The following PCDH11Y variants were observed in gnomAD, a reference collection of about 807,000 sequenced individuals.
PCDH11Y encodes protocadherin 11 Y-linked.
For synonymous variants in PCDH11Y, 9 were observed against 83.6 expected, an observed-to-expected ratio of 0.11 and a Z score of 4.87; for missense variants, 12 against 224.8, an observed-to-expected ratio of 0.05 and a Z score of 6.05.
rs2124619155 is a variant in PCDH11Y, at chrY:5,016,120, G to T, written c.-134+15515G>T. On this transcript the variant is annotated intron_variant, in intron 1 of 5. Transcript: ENST00000333703. ...AATGTGAAAACAGACTGATACAGAA[G>T]GTCATTTCTGATATTTTTTTGTCTT... is the stretch of plus-strand genomic sequence containing the variant. Among the ~76,000 whole-genome samples, 3 of 33,188 alleles carry T rather than the reference G, an allele frequency of 9.0e-5. No homozygotes were observed. The East Asian group carries it at 2.4e-3, about 27-fold the overall frequency. The allele number at this position is 33,188 out of a possible 37,273, so 89.0% of individuals were successfully genotyped here. A position where few individuals can be genotyped will look rare whatever the true frequency, so the allele number is the denominator to read the frequency against.
chrY:5,499,948 G>A, intron 2 of PCDH11Y, among the ~76,000 whole-genome samples: 1 of 32,663 alleles, frequency 3.1e-5, no homozygotes, highest in South Asian at 6.9e-4. Flanking sequence ...CTCCAATAAG[G>A]CCACTAGCTG....
chrY:5,230,086 A>G, intron 2 of PCDH11Y, among the ~76,000 whole-genome samples: 7 of 33,196 alleles, frequency 2.1e-4, no homozygotes, highest in Admixed American at 1.4e-3. Flanking sequence ...TTTATATCTT[A>G]TTGTACTGAC....
chrY:5,228,772 G>C, intron 2 of PCDH11Y, among the ~76,000 whole-genome samples: 1 of 32,953 alleles, frequency 3.0e-5, no homozygotes, highest in African/African-American at 1.2e-4. Context: ...TTTCACTGTG[G>C]TCAGAGAAAA....
chrY:5,411,839 C>G (rs2124678477), intron 2 of PCDH11Y, among the ~76,000 whole-genome samples: 1 of 32,981 alleles, frequency 3.0e-5, no homozygotes, highest in East Asian at 8.1e-4. Flanking sequence ...TACTGTGTAG[C>G]CTTGTAATAT....
chrY:5,494,836 T>G (rs2053342520), intron 2 of PCDH11Y, among the ~76,000 whole-genome samples: 1 of 31,922 alleles, frequency 3.1e-5, no homozygotes, highest in Non-Finnish European at 7.6e-5. Context: ...ATCACAAGGT[T>G]AGGAGTTCGA....
chrY:5,597,907 C>G, intron 4 of PCDH11Y, among the ~76,000 whole-genome samples: 5 of 31,627 alleles, frequency 1.6e-4, no homozygotes. Flanking sequence ...ACCAAAATCT[C>G]AGAAATCACC....
At chrY:5,420,850 A>C in intron 2 of PCDH11Y, among the ~76,000 whole-genome samples, 2 of 30,044 alleles carry the variant, frequency 6.7e-5, no homozygotes, top group African/African-American at 2.6e-4. Context: ...GATAGGAAGG[A>C]TCCAAATAGC....
At chrY:5,274,520 T>A in intron 2 of PCDH11Y, among the ~76,000 whole-genome samples, 1 of 33,303 alleles carries the variant, frequency 3.0e-5, no homozygotes, top group Non-Finnish European at 7.4e-5. Context: ...ATTTTTTGTA[T>A]TTTTAGCAGA....
At chrY:5,498,607 C>A (rs2053348710) in intron 2 of PCDH11Y, among the ~76,000 whole-genome samples, 27 of 33,402 alleles carry the variant, frequency 8.1e-4, no homozygotes, top group African/African-American at 2.7e-3. Context: ...GGTTAACATT[C>A]GGATTATGTC....
intron 4 of PCDH11Y, among the ~76,000 whole-genome samples, chrY:5,612,081 C>T: frequency 1.3e-4 from 3 of 22,302 alleles, no homozygotes; most frequent in African/African-American, 5.3e-4. Context: ...CTGGCACTCC[C>T]TAGTGAGATG....
intron 4 of PCDH11Y, among the ~76,000 whole-genome samples, chrY:5,688,333 A>G: frequency 6.5e-5 from 2 of 30,691 alleles, no homozygotes. Flanking sequence ...AGAGTGAAAG[A>G]GTACAAAATT....
chrY:5,243,143 C>G (rs2052990569), intron 2 of PCDH11Y, among the ~76,000 whole-genome samples: 2 of 33,624 alleles, frequency 5.9e-5, no homozygotes, highest in African/African-American at 1.2e-4. Context: ...TGGCATTTGT[C>G]TAAATATGTA....
At chrY:5,052,133 G>C, upstream of PCDH11Y, among the ~76,000 whole-genome samples, 1 of 33,015 alleles carries the variant, frequency 3.0e-5, no homozygotes, top group African/African-American at 1.2e-4. Flanking sequence ...GTTAAATGGT[G>C]TATTTTTGAC....
chrY:5,642,064 A>T, intron 4 of PCDH11Y, among the ~76,000 whole-genome samples: 1 of 33,407 alleles, frequency 3.0e-5, no homozygotes, highest in Non-Finnish European at 7.4e-5. Flanking sequence ...CAAAAAATCA[A>T]GGCCAAGTCA....
intron 3 of PCDH11Y, among the ~76,000 whole-genome samples, chrY:5,510,677 T>G: frequency 3.5e-5 from 1 of 28,280 alleles, no homozygotes; most frequent in Non-Finnish European, 8.2e-5. Flanking sequence ...TGACAATTTT[T>G]TCTAACTGAT....
intron 2 of PCDH11Y, among the ~76,000 whole-genome samples, chrY:5,111,648 A>G: frequency 2.9e-5 from 1 of 34,142 alleles, no homozygotes; most frequent in Non-Finnish European, 7.3e-5. Flanking sequence ...TACATGCTAT[A>G]TAAAGTTGTC....
chrY:5,709,894 C>T, intron 4 of PCDH11Y, among the ~76,000 whole-genome samples: 1 of 32,007 alleles, frequency 3.1e-5, no homozygotes, highest in Non-Finnish European at 7.6e-5. Flanking sequence ...AGAGAAGCCT[C>T]CTTATTTGTC....
intron 2 of PCDH11Y, among the ~76,000 whole-genome samples, chrY:5,267,477 A>G (rs2124659048): frequency 3.2e-5 from 1 of 31,583 alleles, no homozygotes; most frequent in Admixed American, 3.0e-4. Flanking sequence ...AAGTACTGGG[A>G]TTACAGACGT....
exon 1 of PCDH11Y, chrY:5,056,937 G>A: frequency 5.0e-6 from 2 of 398,476 alleles, no homozygotes; most frequent in Non-Finnish European, 7.1e-6. Context: ...TGTTGTCCGG[G>A]ACGTACATTT....
Sources: gnomAD v4.1 joint callset for allele counts (sites outside exome capture counted in the v4.1 genomes callset) on GRCh38, gnomAD v4.1.1 for gene constraint, MANE v1.5 for transcripts, NCBI Gene and HGNC (gene_info 2026-07-23, HGNC 2026-07-21) for gene names.